Variants in INTS7 observed in about 807,000 individuals in gnomAD.
INTS7 encodes integrator complex subunit 7.
A neutral mutation model predicts 109.2 loss-of-function variants in INTS7; 46 were observed. The ratio of observed to expected loss-of-function variants is 0.42; its 90% confidence interval spans 0.33 to 0.54. The LOEUF (loss-of-function observed/expected upper bound fraction) is 0.54, where lower values mean the gene tolerates loss of function less well. INTS7 is among the 20% of genes least tolerant of loss of function. The pLI, the probability that INTS7 is intolerant of heterozygous loss-of-function variation, is 0.07. For missense variants in INTS7, 929 were observed against 1,132.4 expected (o/e 0.82, Z 2.58); for synonymous variants, 412 against 402.9 (o/e 1.02, Z -0.27).
chr1:211,975,785 A>AG (rs1664392900), intron 12 of INTS7, among the ~76,000 whole-genome samples: 1 of 152,324 alleles, frequency 6.6e-6, no homozygotes, highest in East Asian at 1.9e-4. Context: ...GCCTGGGGCC[A>AG]GGGATACTCA....
chr1:212,010,211 G>A (rs973428295), intron 5 of INTS7, among the ~76,000 whole-genome samples: 2 of 152,136 alleles, frequency 1.3e-5, no homozygotes, highest in Non-Finnish European at 2.9e-5. Context: ...CTCTTTATAA[G>A]AATATAAACA....
At chr1:211,999,545 T>C (rs1244941365) in intron 7 of INTS7, among the ~76,000 whole-genome samples, 2 of 152,180 alleles carry the variant, frequency 1.3e-5, no homozygotes, top group Admixed American at 1.3e-4. Flanking sequence ...TGTACATTTG[T>C]AAAAACTCAT....
At chr1:212,025,399 T>C (rs1280813408) in intron 1 of INTS7, among the ~76,000 whole-genome samples, 1 of 152,146 alleles carries the variant, frequency 6.6e-6, no homozygotes, top group Non-Finnish European at 1.5e-5. Flanking sequence ...ATGTCTTGAC[T>C]ATGGTCATGG....
At chr1:211,954,614 T>C (rs1558024094) in intron 16 of INTS7, among the ~76,000 whole-genome samples, 3 of 152,246 alleles carry the variant, frequency 2.0e-5, no homozygotes, top group Admixed American at 2.0e-4. Context: ...TTTCTACATA[T>C]GGCTAACCAG....
chr1:211,988,060 T>C, intron 7 of INTS7, 57 bp from the exon 8 acceptor site: 2 of 808,690 alleles, frequency 2.5e-6, no homozygotes, highest in African/African-American at 1.8e-5. Flanking sequence ...ACTTCTAAAC[T>C]GTCTACTCCA....
intron 7 of INTS7, among the ~76,000 whole-genome samples, chr1:211,994,747 A>G (rs989567195): frequency 1.5e-4 from 23 of 151,658 alleles, no homozygotes; most frequent in African/African-American, 5.6e-4. Flanking sequence ...AAAATTCTTC[A>G]TGAAGAAACA....
At chr1:211,947,361 C>T (rs1293891069) in intron 17 of INTS7, among the ~76,000 whole-genome samples, 2 of 152,110 alleles carry the variant, frequency 1.3e-5, no homozygotes, top group Non-Finnish European at 2.9e-5. Context: ...TGAAAGTGGT[C>T]ATAAAATCAG....
At chr1:211,952,377 G>A (rs916233996) in intron 17 of INTS7, 192 bp downstream of exon 17, 4 of 460,272 alleles carry the variant, frequency 8.7e-6, no homozygotes, top group South Asian at 5.0e-5. Context: ...AGCTAGAGAT[G>A]TGCTAAGTAC....
chr1:211,994,660 C>T lies in INTS7; in HGVS notation c.880-6657G>A, dbSNP rs548095314. ...GTTGGCCAGGCTGGTCTCAAACTCC[C>T]GACCTCAAGTGATCCGCCTACCTCC... On this transcript the variant is annotated intron_variant, in intron 7 of 19. Coordinates refer to ENST00000366994, the MANE Select transcript of INTS7 (RefSeq NM_015434.4). Among the ~76,000 whole-genome samples the T allele has an allele frequency of 8.9e-4, 134 of 150,908 alleles. 1 individual carries two copies. The highest frequency in any genetic ancestry group is 3.1e-3 in the African/African-American group (129 of 41,192).
At chr1:211,955,608 A>G (rs1234405930) in intron 16 of INTS7, among the ~76,000 whole-genome samples, 1 of 152,186 alleles carries the variant, frequency 6.6e-6, no homozygotes, top group African/African-American at 2.4e-5. Flanking sequence ...AATACAATGT[A>G]GGTAATTTAA....
In INTS7 at chr1:211,995,881, C is replaced by T. The variant is rs529783737; in HGVS notation, c.880-7878G>A. 2.2e-4 allele frequency among the ~76,000 whole-genome samples: 33 copies of T among 152,318 alleles called. 1 individual carries two copies. The highest frequency in any genetic ancestry group is 2.2e-3 in the Admixed American group (33 of 15,310). On this transcript the variant is annotated intron_variant, in intron 7 of 19. Coordinates refer to ENST00000366994, the MANE Select transcript of INTS7 (RefSeq NM_015434.4). ...AGTGGGCCCTCACCAGACACTGAAT[C>T]TGCTGGAGTCATGATTTTAGACTTC... is the stretch of plus-strand genomic sequence containing the variant.
chr1:212,006,800 A>G, intron 6 of INTS7, 39 bp from the exon 7 acceptor site: 1 of 1,515,900 alleles, frequency 6.6e-7, no homozygotes, highest in Non-Finnish European at 9.0e-7. Context: ...CAATACTGTA[A>G]CTGAAATGAT....
At chr1:211,956,997 G>T (rs1257461735) in intron 16 of INTS7, among the ~76,000 whole-genome samples, 2 of 152,162 alleles carry the variant, frequency 1.3e-5, no homozygotes, top group Non-Finnish European at 2.9e-5. Flanking sequence ...ATATGACATT[G>T]TCAAACAGTT....
intron 1 of INTS7, 120 bp from the exon 2 acceptor site, chr1:212,021,332 A>G (rs1023535057): frequency 1.9e-5 from 16 of 839,444 alleles, no homozygotes; most frequent in Admixed American, 3.1e-5. Flanking sequence ...AGAAGCAGGT[A>G]AAGTATAATT....
intron 1 of INTS7, among the ~76,000 whole-genome samples, chr1:212,022,281 C>T (rs1666741461): frequency 6.6e-6 from 1 of 152,122 alleles, no homozygotes; most frequent in Non-Finnish European, 1.5e-5. Flanking sequence ...AAACAAAAGG[C>T]ATAAACCATA....
intron 19 of INTS7, among the ~76,000 whole-genome samples, chr1:211,944,143 T>G (rs967350646): frequency 6.6e-6 from 1 of 152,110 alleles, no homozygotes; most frequent in Non-Finnish European, 1.5e-5. Context: ...TTTTTAATGA[T>G]AAAATTTACT....
rs375201220 is a variant in INTS7, at chr1:211,940,916, A to C, written c.*908T>G. ...GCAGACACATCAGAAAAAACAAATT[A>C]ATTTTCTATGAAATTGCTAGCTGCT... On this transcript the variant is annotated 3_prime_UTR_variant, in exon 20 of 20. Coordinates refer to ENST00000366994, the MANE Select transcript of INTS7 (RefSeq NM_015434.4). The C allele has an allele frequency of 7.2e-5, 11 of 152,318 alleles. No homozygotes were observed. The highest frequency in any genetic ancestry group is 2.4e-4 in the African/African-American group (10 of 41,564). The allele number at this position is 152,318 out of a possible 1,614,324, so 9.4% of individuals were successfully genotyped here. A position where few individuals can be genotyped will look rare whatever the true frequency, so the allele number is the denominator to read the frequency against.
chr1:211,957,161 G>A (rs1024000655), intron 16 of INTS7, among the ~76,000 whole-genome samples: 8 of 152,120 alleles, frequency 5.3e-5, no homozygotes, highest in African/African-American at 1.9e-4. Context: ...TTTCTCTAGT[G>A]ATTACTGATG....
intron 7 of INTS7, among the ~76,000 whole-genome samples, chr1:212,001,469 C>A (rs1450929852): frequency 1.3e-5 from 2 of 152,032 alleles, no homozygotes; most frequent in Admixed American, 1.3e-4. Flanking sequence ...AAGAATAATA[C>A]AAATAAAAAA....
Sources: gnomAD v4.1 joint callset for allele counts (sites outside exome capture counted in the v4.1 genomes callset) on GRCh38, gnomAD v4.1.1 for gene constraint, MANE v1.5 for transcripts, NCBI Gene and HGNC (gene_info 2026-07-23, HGNC 2026-07-21) for gene names.